The following USP32 variants were observed in gnomAD, a reference collection of about 807,000 sequenced individuals.
USP32 encodes ubiquitin carboxyl-terminal hydrolase 32.
A neutral mutation model predicts 204.8 loss-of-function variants in USP32; 59 were observed. The ratio of observed to expected loss-of-function variants is 0.29; its 90% CI spans 0.23 to 0.36. USP32 has a LOEUF of 0.36. Among genes scored for constraint, USP32 ranks in the 10% least tolerant of loss-of-function variants. The probability of loss-of-function intolerance (pLI) is 1.00; values close to 1 mark genes in which losing one functional copy is unlikely to be tolerated. For synonymous variants in USP32, 517 were observed against 678.4 expected, an observed-to-expected ratio of 0.76 and a Z score of 3.70; for missense variants, 1,160 against 1,946.4, an observed-to-expected ratio of 0.60 and a Z score of 7.60.
chr17:60,400,153 C>T (rs778185366), intron 1 of USP32, among the ~76,000 whole-genome samples: 2 of 151,986 alleles, frequency 1.3e-5, no homozygotes, highest in Non-Finnish European at 2.9e-5. Context: ...TTAGTAGAAA[C>T]GGGGTTTCAC....
In USP32 at chr17:60,420,530, G is replaced by T. The variant is rs1598328234; in HGVS notation, c.106+1716C>A. Among the ~76,000 whole-genome samples the T allele has an allele frequency of 2.0e-5, 3 of 152,062 alleles. 1 individual carries two copies. The South Asian group carries it at 6.2e-4, about 32-fold the overall frequency. ...TAAAAATACAAAATTAGCCAGACGC[G>T]GTGGCACAAGCCTGTAATCCCAGCT... On this transcript the variant is annotated intron_variant, in intron 1 of 3. Transcript: ENST00000588898.
Position 60,236,218 on chromosome 17 carries a change from T to C in USP32, c.1159A>G (p.Arg387Gly). Residue 387 changes from arginine (R) to glycine (G), a missense_variant, in exon 12 of 34, where the codon AGG becomes GGG. Arg to Gly is a moderately radical substitution (Grantham distance 125). This residue lies in a region of USP32 where 536 missense variants were observed against 680.9 expected (regional missense o/e 0.79). Coordinates refer to ENST00000300896, the MANE Select transcript of USP32 (RefSeq NM_032582.4). ...IIRGWLERES[R>G]YGLQAGHNWF... is the part of the protein sequence containing the mutation. Reference sequence around the variant, plus strand: ...TTGTGTCCTGCTTGCAGACCATACCTGCTCTCTCGTTCTAACCATCCTCTG... The same window carrying C: ...TTGTGTCCTGCTTGCAGACCATACCCGCTCTCTCGTTCTAACCATCCTCTG... 1 of 1,613,956 alleles carries C rather than the reference T, an allele frequency of 6.2e-7. No homozygotes were observed. Among genetic ancestry groups the C allele is most frequent in the Non-Finnish European group, 8.5e-7 (1 of 1,179,864 alleles).
intron 11 of USP32, among the ~76,000 whole-genome samples, chr17:60,237,813 T>C (rs2085772408): frequency 1.3e-5 from 2 of 152,258 alleles, no homozygotes; most frequent in African/African-American, 4.8e-5. Context: ...ATACTACATC[T>C]CGTTTAACCA....
chr17:60,239,605 C>G (rs1209131392), intron 11 of USP32, among the ~76,000 whole-genome samples: 1 of 152,166 alleles, frequency 6.6e-6, no homozygotes, highest in African/African-American at 2.4e-5. Context: ...GAGAACCCCT[C>G]TAATAGATTT....
At chr17:60,255,550 G>C (rs1352779947) in intron 9 of USP32, among the ~76,000 whole-genome samples, 1 of 152,012 alleles carries the variant, frequency 6.6e-6, no homozygotes, top group Non-Finnish European at 1.5e-5. Context: ...CATCCGCCTT[G>C]GCCTCCCAAA....
chr17:60,321,372 G>T (rs1860439694), intron 2 of USP32, among the ~76,000 whole-genome samples: 1 of 152,138 alleles, frequency 6.6e-6, no homozygotes, highest in Non-Finnish European at 1.5e-5. Context: ...CTGATGCCCT[G>T]AGCCCATCAT....
intron 11 of USP32, among the ~76,000 whole-genome samples, chr17:60,251,132 A>G (rs1203914296): frequency 6.6e-6 from 1 of 151,910 alleles, no homozygotes; most frequent in Non-Finnish European, 1.5e-5. Flanking sequence ...TTGTAAAGAC[A>G]GGGTCTCACC....
chr17:60,326,737 G>C (rs1401725218), intron 2 of USP32, among the ~76,000 whole-genome samples: 2 of 152,128 alleles, frequency 1.3e-5, no homozygotes, highest in Admixed American at 6.5e-5. Flanking sequence ...GAAAATTCAT[G>C]CACAGAGTAT....
chr17:60,404,767 A>T (rs2089962375), intron 1 of USP32, among the ~76,000 whole-genome samples: 1 of 152,160 alleles, frequency 6.6e-6, no homozygotes, highest in South Asian at 2.1e-4. Context: ...CTGAGAAACA[A>T]CCTTCTCATC....
intron 1 of USP32, among the ~76,000 whole-genome samples, chr17:60,405,494 T>C (rs1409968991): frequency 6.6e-6 from 1 of 152,178 alleles, no homozygotes; most frequent in Non-Finnish European, 1.5e-5. Flanking sequence ...CATGAGCCAC[T>C]GTGCCTGGCT....
chr17:60,416,136 C>T (rs1409211370), intron 1 of USP32, among the ~76,000 whole-genome samples: 1 of 152,142 alleles, frequency 6.6e-6, no homozygotes, highest in African/African-American at 2.4e-5. Flanking sequence ...CTGCGCCTGG[C>T]TTACTCTTGG....
At chr17:60,256,321 A>G (rs2086303456) in intron 9 of USP32, among the ~76,000 whole-genome samples, 1 of 152,200 alleles carries the variant, frequency 6.6e-6, no homozygotes, top group African/African-American at 2.4e-5. Context: ...AGGGGTAGGC[A>G]AATCACTAGA....
At chr17:60,247,652 G>A (rs1413086367) in intron 11 of USP32, among the ~76,000 whole-genome samples, 1 of 151,582 alleles carries the variant, frequency 6.6e-6, no homozygotes, top group East Asian at 1.9e-4. Context: ...TAAATGTGGG[G>A]GGTTTTGCTT....
rs530410860 is a variant in USP32, at chr17:60,248,403, T to C, written c.1136+3978A>G. On this transcript the variant is annotated intron_variant, in intron 11 of 33. Transcript: ENST00000300896. The stretch of plus-strand genomic sequence containing the variant: ...TCATTAAGCTTCTAAGATTAATAAT[T>C]TTCGAGAAATTTTAGAACTTTCAGA... Among the ~76,000 whole-genome samples the C allele has an allele frequency of 2.2e-3, 330 of 152,310 alleles. 4 individuals are homozygous for C. The highest frequency in any genetic ancestry group is 7.5e-3 in the African/African-American group (311 of 41,570).
Position 60,271,400 on chromosome 17 carries a change from T to C in USP32, c.653A>G (p.Glu218Gly), listed in dbSNP as rs72843530. 401 of 1,614,134 alleles carry C rather than the reference T, an allele frequency of 2.5e-4. 2 individuals carry two copies. The highest frequency in any genetic ancestry group is 3.2e-4 in the Non-Finnish European group (372 of 1,180,008). The change falls in exon 6 of 34, where the codon GAG becomes GGG. Residue 218 changes from glutamate to glycine, a missense_variant. By Grantham distance (98) the Glu-to-Gly change is moderately conservative. Transcript: ENST00000300896. ...AQSRTGRFDL[E>G]TFGPLVSPPI... ...TGGTGAAACCAATGGGCCAAATGTCTCTAAATCAAATCGTCCAGTCCGGGA... is the reference window on the plus strand; with the variant it reads ...TGGTGAAACCAATGGGCCAAATGTCCCTAAATCAAATCGTCCAGTCCGGGA...
chr17:60,422,413 T>G, exon 1 of USP32: 2 of 1,441,102 alleles, frequency 1.4e-6, no homozygotes, highest in Non-Finnish European at 1.9e-6. Flanking sequence ...CCCCTAAGAA[T>G]GAGGAAATGG....
chr17:60,379,969 AAATT>A (rs2089618847), intron 1 of USP32, among the ~76,000 whole-genome samples: 1 of 152,218 alleles, frequency 6.6e-6, no homozygotes, highest in Admixed American at 6.5e-5. Context: ...TTGGGAGAGT[AAATT>A]AATACACATA....
chr17:60,179,861 G>A (rs1264295409), intron 33 of USP32, among the ~76,000 whole-genome samples: 1 of 151,870 alleles, frequency 6.6e-6, no homozygotes, highest in Non-Finnish European at 1.5e-5. Flanking sequence ...TAGTAAAGGC[G>A]GGGTTTCACC....
intron 13 of USP32, among the ~76,000 whole-genome samples, chr17:60,224,217 A>T (rs2085327624): frequency 6.6e-6 from 1 of 152,274 alleles, no homozygotes; most frequent in African/African-American, 2.4e-5. Flanking sequence ...ACAATCTAGC[A>T]GTCATCACTT....
Sources: gnomAD v4.1 joint callset for allele counts (sites outside exome capture counted in the v4.1 genomes callset) on GRCh38, gnomAD v4.1.1 for gene constraint, gnomAD v4.1.1 regional missense constraint, MANE v1.5 for transcripts, NCBI Gene and HGNC (gene_info 2026-07-23, HGNC 2026-07-21) for gene names.